CSMD1: variants seen among roughly 807,000 people sequenced by gnomAD.
CSMD1 encodes CUB and sushi domain-containing protein 1.
CSMD1 carries 213 observed loss-of-function variants against 417.5 expected under a neutral mutation model. The ratio of observed to expected loss-of-function variants is 0.51; its 90% CI spans 0.46 to 0.57. CSMD1 has a LOEUF of 0.57. Among genes scored for constraint, CSMD1 ranks in the 20% least tolerant of loss-of-function variants. CSMD1 has a pLI of 0.00. For synonymous variants in CSMD1, 2,862 were observed against 1,736.8 expected (o/e 1.65, Z -16.11); for missense variants, 6,923 against 4,529.7 (o/e 1.53, Z -15.17).
intron 10 of CSMD1, among the ~76,000 whole-genome samples, chr8:3,539,500 G>A (rs1010135993): frequency 5.9e-5 from 9 of 152,158 alleles, no homozygotes; most frequent in African/African-American, 2.2e-4. Context: ...AGCTACACAT[G>A]TGCATTATAT....
intron 5 of CSMD1, among the ~76,000 whole-genome samples, chr8:3,866,941 G>C (rs889102944): frequency 9.2e-5 from 14 of 152,160 alleles, no homozygotes; most frequent in Admixed American, 3.3e-4. Flanking sequence ...GTATGGATTT[G>C]TAAGTACCAC....
chr8:4,917,404 G>A (rs547029885), intron 1 of CSMD1, among the ~76,000 whole-genome samples: 11 of 152,174 alleles, frequency 7.2e-5, no homozygotes, highest in Non-Finnish European at 1.6e-4. Flanking sequence ...GGAGGCCAAG[G>A]TGGGCAGACT....
At chr8:3,222,869 C>T (rs1798294427) in intron 28 of CSMD1, among the ~76,000 whole-genome samples, 1 of 152,106 alleles carries the variant, frequency 6.6e-6, no homozygotes, top group Admixed American at 6.5e-5. Flanking sequence ...CAGATCTCAT[C>T]AGGAGGAGAA....
chr8:3,628,362 CCCTT>C (rs1796597322), intron 7 of CSMD1, among the ~76,000 whole-genome samples: 1 of 152,160 alleles, frequency 6.6e-6, no homozygotes, highest in Non-Finnish European at 1.5e-5. Flanking sequence ...GACCTCACGC[CCCTT>C]CCTTGTTTAC....
intron 5 of CSMD1, among the ~76,000 whole-genome samples, chr8:3,924,343 A>G (rs749955478): frequency 1.3e-4 from 20 of 152,262 alleles, no homozygotes; most frequent in African/African-American, 3.4e-4. Flanking sequence ...AAGTGTCTCA[A>G]TGAGAATCAC....
At chr8:3,372,558 T>G (rs1376399373) in intron 18 of CSMD1, among the ~76,000 whole-genome samples, 1 of 152,052 alleles carries the variant, frequency 6.6e-6, no homozygotes, top group Non-Finnish European at 1.5e-5. Context: ...GTAGAGCCGG[T>G]GGGACTTTCT....
intron 3 of CSMD1, among the ~76,000 whole-genome samples, chr8:4,272,450 C>T (rs1016467425): frequency 6.6e-6 from 1 of 152,026 alleles, no homozygotes; most frequent in African/African-American, 2.4e-5. Context: ...CTATCTAAAA[C>T]CAGGATTCTA....
chr8:4,223,121 G>A (rs192656055), intron 3 of CSMD1, among the ~76,000 whole-genome samples: 15 of 148,422 alleles, frequency 1.0e-4, no homozygotes, highest in African/African-American at 3.7e-4. Context: ...AGTAGCAAGT[G>A]GCTCAGTAAG....
chr8:3,673,054 C>T (rs761480829), intron 7 of CSMD1, among the ~76,000 whole-genome samples: 6 of 152,040 alleles, frequency 3.9e-5, no homozygotes, highest in Non-Finnish European at 8.8e-5. Context: ...GAGCATTTAG[C>T]GGTATGATTG....
intron 1 of CSMD1, among the ~76,000 whole-genome samples, chr8:4,811,541 C>G (rs971598537): frequency 6.6e-6 from 1 of 151,878 alleles, no homozygotes; most frequent in Non-Finnish European, 1.5e-5. Context: ...GAGGTATTTC[C>G]CAATATTGAC....
chr8:4,867,841 A>C (rs1293603074), intron 1 of CSMD1, among the ~76,000 whole-genome samples: 3 of 152,080 alleles, frequency 2.0e-5, no homozygotes, highest in Non-Finnish European at 4.4e-5. Flanking sequence ...ACAGAGTGTA[A>C]ATTCTCAATA....
intron 2 of CSMD1, among the ~76,000 whole-genome samples, chr8:4,606,281 G>A (rs748288589): frequency 1.2e-4 from 19 of 152,024 alleles, no homozygotes; most frequent in Admixed American, 5.2e-4. Context: ...CTAAGACAAG[G>A]GACTGTGACT....
At chr8:4,862,640 G>C (rs181557096) in intron 1 of CSMD1, among the ~76,000 whole-genome samples, 91 of 152,152 alleles carry the variant, frequency 6.0e-4, no homozygotes, top group Non-Finnish European at 9.7e-4. Flanking sequence ...AGAAACCAAG[G>C]AGGACACCAA....
chr8:4,029,451 G>T (rs1005672213), intron 4 of CSMD1, among the ~76,000 whole-genome samples: 5 of 152,284 alleles, frequency 3.3e-5, no homozygotes, highest in African/African-American at 1.2e-4. Flanking sequence ...AGCAGGCAAA[G>T]TCAGCCTGTG....
Position 4,488,858 on chromosome 8 carries a change from G to C in CSMD1, c.303-68793C>G, listed in dbSNP as rs116584679. Among the ~76,000 whole-genome samples, 283 of 152,236 alleles carry C rather than the reference G, an allele frequency of 1.9e-3. 1 individual carries two copies. The highest frequency in any genetic ancestry group is 6.5e-3 in the African/African-American group (272 of 41,546). Reference sequence around the variant, plus strand: ...TCCTTCCTGATTCCCCTGTCCTTATGATAAAACGACAGAAATCCTTTCCTG... The same window carrying C: ...TCCTTCCTGATTCCCCTGTCCTTATCATAAAACGACAGAAATCCTTTCCTG... On this transcript the variant is annotated intron_variant, in intron 2 of 69. Transcript: ENST00000635120.
chr8:3,375,358 G>T (rs7835213), intron 18 of CSMD1: 1 of 152,084 alleles, frequency 6.6e-6, no homozygotes, highest in Non-Finnish European at 1.5e-5. Context: ...ATCCACCTGT[G>T]AAAGCACAGC....
At chr8:4,992,577 C>T (rs772422907) in intron 1 of CSMD1, among the ~76,000 whole-genome samples, 1 of 152,194 alleles carries the variant, frequency 6.6e-6, no homozygotes, top group Non-Finnish European at 1.5e-5. Context: ...CCTTGGGCTC[C>T]TGCCCTCACC....
At chr8:3,387,717 C>G (rs557967551) in intron 17 of CSMD1, 35 bp from the exon 18 acceptor site, 2 of 1,535,190 alleles carry the variant, frequency 1.3e-6, no homozygotes, top group African/African-American at 2.7e-5. Context: ...CGATGAGGAT[C>G]TTTCTGGTTG....
intron 1 of CSMD1, among the ~76,000 whole-genome samples, chr8:4,887,105 C>T (rs1585266203): frequency 1.3e-5 from 2 of 152,090 alleles, no homozygotes; most frequent in African/African-American, 4.8e-5. Context: ...TATATATAAA[C>T]ATTTACAGCT....
Sources: allele counts gnomAD v4.1 joint callset (sites outside exome capture counted in the v4.1 genomes callset), GRCh38; gene constraint gnomAD v4.1.1; transcripts MANE v1.5; gene names NCBI Gene and HGNC (gene_info 2026-07-23, HGNC 2026-07-21).